The following DLG2 variants were observed in gnomAD, a reference collection of about 807,000 sequenced individuals.
The protein encoded by DLG2 is discs large MAGUK scaffold protein 2, also known as disks large homolog 2.
In DLG2, 45 loss-of-function variants were observed where a neutral mutation model predicts 132.5. That is an observed-to-expected ratio of 0.34 (90% CI 0.27 to 0.44). The LOEUF is 0.44. DLG2 is among the 20% of genes least tolerant of loss of function. The probability of loss-of-function intolerance (pLI) is 1.00; values close to 1 mark genes in which losing one functional copy is unlikely to be tolerated. For missense variants in DLG2, 1,045 were observed against 1,196.9 expected (o/e 0.87, Z 1.87); for synonymous variants, 424 against 419.6 (o/e 1.01, Z -0.13).
chr11:84,562,501 C>T (rs1289522481), intron 6 of DLG2, among the ~76,000 whole-genome samples: 1 of 152,022 alleles, frequency 6.6e-6, no homozygotes, highest in African/African-American at 2.4e-5. Context: ...TAATAGTTAG[C>T]TTGAAAATTA....
intron 3 of DLG2, among the ~76,000 whole-genome samples, chr11:85,373,015 A>T (rs190108253): frequency 6.6e-6 from 1 of 152,320 alleles, no homozygotes. Context: ...CTCTTCAGAT[A>T]GGTAATTGTG....
intron 21 of DLG2, among the ~76,000 whole-genome samples, chr11:83,491,735 T>G (rs2093857350): frequency 6.6e-6 from 1 of 152,066 alleles, no homozygotes; most frequent in Admixed American, 6.6e-5. Flanking sequence ...TCACTTTGTC[T>G]GAGATGTCAT....
chr11:83,765,800 T>C (rs1258288551), intron 18 of DLG2, among the ~76,000 whole-genome samples: 2 of 152,200 alleles, frequency 1.3e-5, no homozygotes, highest in Admixed American at 6.5e-5. Context: ...TGAACAGAGA[T>C]AGAAAACTGT....
At chr11:84,769,387 T>G (rs1325404172) in intron 6 of DLG2, among the ~76,000 whole-genome samples, 1 of 152,098 alleles carries the variant, frequency 6.6e-6, no homozygotes, top group African/African-American at 2.4e-5. Context: ...AAGAAAGAAT[T>G]TCAGGGCACG....
At chr11:85,575,082 T>C (rs1373422694) in intron 3 of DLG2, among the ~76,000 whole-genome samples, 1 of 151,758 alleles carries the variant, frequency 6.6e-6, no homozygotes, top group Non-Finnish European at 1.5e-5. Flanking sequence ...AATGCAGAGA[T>C]GATCATTTTA....
rs549448221 is a variant in DLG2 at position 85,209,908 on chromosome 11, G to A, written c.187-55257C>T. Among the ~76,000 whole-genome samples the A allele has an allele frequency of 1.9e-4, 29 of 151,950 alleles. 1 individual carries two copies. The South Asian group carries it at 5.6e-3, about 29-fold the overall frequency. ...ACCAAGCAGACTCCTGCCCTCAGAG[G>A]CTTTGTACCTTTTATTCTCCCTACC... On this transcript the variant is annotated intron_variant, in intron 4 of 27. Coordinates refer to ENST00000376104, the MANE Select transcript of DLG2 (RefSeq NM_001142699.3).
chr11:84,934,975 C>T (rs2048569543), intron 6 of DLG2, among the ~76,000 whole-genome samples: 1 of 152,086 alleles, frequency 6.6e-6, no homozygotes, highest in African/African-American at 2.4e-5. Context: ...TTCATTATTG[C>T]CAAAACTAAA....
chr11:84,700,977 G>A (rs557681229), intron 6 of DLG2, among the ~76,000 whole-genome samples: 32 of 151,450 alleles, frequency 2.1e-4, no homozygotes, highest in Non-Finnish European at 1.5e-4. Context: ...ATTGTCTCCA[G>A]TCTCTGCTTT....
intron 6 of DLG2, among the ~76,000 whole-genome samples, chr11:85,105,483 G>T (rs2071585991): frequency 6.6e-6 from 1 of 151,966 alleles, no homozygotes; most frequent in African/African-American, 2.4e-5. Flanking sequence ...AATGAAATTA[G>T]AGGCACTCTA....
intron 18 of DLG2, among the ~76,000 whole-genome samples, chr11:83,741,876 G>A (rs148045400): frequency 0.031 from 4,718 of 151,854 alleles, 251 homozygotes; most frequent in African/African-American, 0.11. Context: ...TTAGCAAGGC[G>A]TGGTGGTGGG....
intron 3 of DLG2, among the ~76,000 whole-genome samples, chr11:85,330,618 G>C (rs1463270208): frequency 1.5e-3 from 148 of 100,252 alleles, no homozygotes; most frequent in African/African-American, 5.5e-3. Flanking sequence ...CACACTCTGG[G>C]GACTGTGGTG....
At chr11:84,876,421 T>G (rs2086358509) in intron 6 of DLG2, among the ~76,000 whole-genome samples, 2 of 152,218 alleles carry the variant, frequency 1.3e-5, no homozygotes, top group African/African-American at 4.8e-5. Context: ...GGAGGGTGTA[T>G]GTGTCCAGGA....
intron 18 of DLG2, among the ~76,000 whole-genome samples, chr11:83,785,037 A>G (rs1263555911): frequency 6.6e-6 from 1 of 151,552 alleles, no homozygotes; most frequent in Admixed American, 6.6e-5. Context: ...ATATCTTTTA[A>G]TTTTCAGCTT....
chr11:84,888,965 C>T (rs907468715), intron 6 of DLG2, among the ~76,000 whole-genome samples: 2 of 152,108 alleles, frequency 1.3e-5, no homozygotes, highest in Non-Finnish European at 2.9e-5. Flanking sequence ...GAAAGATTGA[C>T]ACAATTGAAT....
At chr11:83,525,193 C>T (rs17145339) in intron 21 of DLG2, among the ~76,000 whole-genome samples, 33,434 of 152,074 alleles carry the variant, frequency 0.22, 4,153 homozygotes, top group African/African-American at 0.31. Context: ...TCAGGGTTTA[C>T]ATAGGACACA....
intron 11 of DLG2, among the ~76,000 whole-genome samples, chr11:84,009,949 A>G (rs983285447): frequency 3.3e-5 from 5 of 152,062 alleles, no homozygotes; most frequent in African/African-American, 1.2e-4. Flanking sequence ...CGAATCCAAG[A>G]CTGTCTGGCA....
In DLG2 at chr11:83,952,494, T is replaced by C. The variant is rs530775856; in HGVS notation, c.1340+10391A>G. 2.9e-4 allele frequency among the ~76,000 whole-genome samples: 44 copies of C among 152,314 alleles called. 1 individual carries two copies. The South Asian group carries it at 8.1e-3, about 28-fold the overall frequency. ...AAATTTGGCATTTATATTAAATACA[T>C]ATATAATCAAGAGATGAAGGCAGAA... On this transcript the variant is annotated intron_variant, in intron 14 of 27. Transcript: ENST00000376104.
At chr11:84,987,178 A>G (rs2056591577) in intron 6 of DLG2, among the ~76,000 whole-genome samples, 1 of 152,174 alleles carries the variant, frequency 6.6e-6, no homozygotes, top group South Asian at 2.1e-4. Flanking sequence ...GCGAAAAATT[A>G]AAATACTTAG....
At chr11:85,211,299 C>T (rs994797179) in intron 4 of DLG2, among the ~76,000 whole-genome samples, 6 of 152,016 alleles carry the variant, frequency 3.9e-5, no homozygotes, top group South Asian at 2.1e-4. Flanking sequence ...AATATATAAA[C>T]GAGTAATTAT....
Sources: allele counts gnomAD v4.1 joint callset (sites outside exome capture counted in the v4.1 genomes callset), GRCh38; gene constraint gnomAD v4.1.1; transcripts MANE v1.5; gene names NCBI Gene and HGNC (gene_info 2026-07-23, HGNC 2026-07-21).